Variants in TSPAN2 observed in about 807,000 individuals in gnomAD.
TSPAN2 encodes the protein tetraspanin-2.
Under a neutral mutation model 33.3 loss-of-function variants are expected in TSPAN2, and 24 were observed. The ratio of observed to expected loss-of-function variants is 0.72; its 90% confidence interval spans 0.52 to 1.01. TSPAN2 has a LOEUF of 1.01. Ranked by LOEUF, TSPAN2 falls within the 50% of genes least tolerant of loss-of-function variation. TSPAN2 has a pLI of 0.00. For missense variants in TSPAN2, 278 were observed against 281.3 expected (o/e 0.99, Z 0.08); for synonymous variants, 114 against 104.5 (o/e 1.09, Z -0.56).
intron 3 of TSPAN2, 79 bp downstream of exon 3, chr1:115,062,056 G>A: frequency 3.2e-6 from 4 of 1,264,862 alleles, no homozygotes; most frequent in South Asian, 2.7e-5. Context: ...TGGAGCCAGG[G>A]GCCAGAGGCA....
At chr1:115,062,321 A>T in intron 2 of TSPAN2, 89 bp from the exon 3 acceptor site, 1 of 938,036 alleles carries the variant, frequency 1.1e-6, no homozygotes. Flanking sequence ...ACTGCAGAGC[A>T]TTCTAATAGT....
At chr1:115,069,460 A>C (rs1455151785) in intron 2 of TSPAN2, among the ~76,000 whole-genome samples, 1 of 152,212 alleles carries the variant, frequency 6.6e-6, no homozygotes, top group Non-Finnish European at 1.5e-5. Context: ...GTTGGAATGA[A>C]AAAAGCATGT....
chr1:115,072,458 A>G (rs1019035115), intron 2 of TSPAN2, among the ~76,000 whole-genome samples: 12 of 152,252 alleles, frequency 7.9e-5, no homozygotes, highest in African/African-American at 2.9e-4. Context: ...ATAAGATCAC[A>G]AAATAAAATC....
At position 115,089,377 on chromosome 1, in the gene TSPAN2, T is replaced by C. The variant is rs368103582; in HGVS notation, c.56A>G (p.Asn19Ser). The C allele has an allele frequency of 2.5e-6, 4 of 1,593,130 alleles. No individual in the cohort carries two copies. The highest frequency in any genetic ancestry group is 2.7e-5 in the African/African-American group (2 of 73,978). Residue 19 changes from asparagine (N) to serine (S), a missense_variant, in exon 1 of 8, where the codon AAC (asparagine) becomes AGC (serine). By Grantham distance (46) the Asn-to-Ser change is conservative. Coordinates refer to ENST00000369516, the MANE Select transcript of TSPAN2 (RefSeq NM_005725.6). ...RCIKYLLLGF[N>S]LLFWLAGSAV... Reference sequence around the variant, plus strand: ...TCCTGGTCTCACCCAGAAGAGCAGGTTGAAGCCAAGCAGCAGGTACTTGAT... The same window carrying C: ...TCCTGGTCTCACCCAGAAGAGCAGGCTGAAGCCAAGCAGCAGGTACTTGAT...
At chr1:115,087,236 G>A (rs1246610894) in intron 1 of TSPAN2, among the ~76,000 whole-genome samples, 1 of 151,976 alleles carries the variant, frequency 6.6e-6, no homozygotes, top group Admixed American at 6.6e-5. Flanking sequence ...TTGTATTTCT[G>A]ACAAATTCCC....
intron 3 of TSPAN2, among the ~76,000 whole-genome samples, chr1:115,060,914 G>A (rs11102880): frequency 0.3 from 44,967 of 152,048 alleles, 6,856 homozygotes; most frequent in East Asian, 0.46. Context: ...GAACACAAAA[G>A]ACCTAGAAAG....
At position 115,089,469 on chromosome 1, in the gene TSPAN2, C is replaced by T; in HGVS notation, c.-37G>A. The stretch of plus-strand genomic sequence containing the variant: ...GCGGCGGGATCCCCAGTCCCCAGGC[C>T]CGCGCTACGAGCGCGGGGAGCGGCA... On this transcript the variant is annotated 5_prime_UTR_variant, in exon 1 of 8. Coordinates refer to ENST00000369516, the MANE Select transcript of TSPAN2 (RefSeq NM_005725.6). 7.0e-7 allele frequency: 1 copy of T among 1,431,094 alleles called. No homozygotes were observed. Among genetic ancestry groups the T allele is most frequent in the South Asian group, 1.5e-5 (1 of 67,502 alleles). The allele number at this position is 1,431,094 out of a possible 1,614,324, so 88.6% of individuals were successfully genotyped here.
rs763102744 is a variant in TSPAN2 at position 115,062,186 on chromosome 1, C to T, written c.219G>A (p.Gly73=). ...GCATGGCTCCGCAGCACCCGAAGAA[C>T]CCCACGGCCATCATCAGGGCCCCGG... ...VGAGALMMAV[G]FFGCCGAMRE... The change falls in exon 3 of 8, where the codon GGG becomes GGA. Residue 73 remains glycine, a synonymous_variant. Coordinates refer to ENST00000369516, the MANE Select transcript of TSPAN2 (RefSeq NM_005725.6). The T allele has an allele frequency of 6.2e-7, 1 of 1,600,476 alleles. No individual in the cohort carries two copies. The highest frequency in any genetic ancestry group is 1.7e-5 in the Admixed American group (1 of 58,234).
intron 1 of TSPAN2, among the ~76,000 whole-genome samples, chr1:115,087,574 C>A (rs1160349713): frequency 6.8e-6 from 1 of 147,522 alleles, no homozygotes; most frequent in Non-Finnish European, 1.5e-5. Flanking sequence ...GGAGATCGGG[C>A]CACTGCACTC....
intron 2 of TSPAN2, among the ~76,000 whole-genome samples, chr1:115,071,959 G>C (rs1220668726): frequency 6.6e-6 from 1 of 152,300 alleles, no homozygotes; most frequent in African/African-American, 2.4e-5. Context: ...TGTGCAGGAT[G>C]CTCTTCCTCC....
At chr1:115,073,127 C>G in intron 1 of TSPAN2, 120 bp from the exon 2 acceptor site, 1 of 801,244 alleles carries the variant, frequency 1.2e-6, no homozygotes, top group Middle Eastern at 2.8e-4. Context: ...CTTAGACCAC[C>G]TTCCCATTTT....
rs966259000 is a variant in TSPAN2 at position 115,060,317 on chromosome 1, G to A, written c.345+147C>T. The A allele has an allele frequency of 2.4e-5, 15 of 630,688 alleles. No homozygotes were observed. The African/African-American group carries it at 2.8e-4, about 12-fold the overall frequency. The allele number at this position is 630,688 out of a possible 1,614,324, so 39.1% of individuals were successfully genotyped here. On this transcript the variant is annotated intron_variant, in intron 4 of 7. Transcript: ENST00000369516. ...TGCCTGCACACTCATATACATATATGCTCAGTTCTGCACACCACTTCTAAG... is the reference window on the plus strand; with the variant it reads ...TGCCTGCACACTCATATACATATATACTCAGTTCTGCACACCACTTCTAAG...
chr1:115,080,093 GGAAGGAAACTAACTTGGGATGAA>G (rs1052891881), intron 1 of TSPAN2, among the ~76,000 whole-genome samples: 7 of 152,166 alleles, frequency 4.6e-5, no homozygotes, highest in African/African-American at 1.7e-4. Flanking sequence ...TAAGCTCAGG[GGAAGGAAACTAACTTGGGATGAA>G]AAGCTTGCTG....
At chr1:115,084,270 T>C (rs940064288) in intron 1 of TSPAN2, among the ~76,000 whole-genome samples, 9 of 152,212 alleles carry the variant, frequency 5.9e-5, no homozygotes, top group Non-Finnish European at 1.3e-4. Flanking sequence ...TTCACAGATA[T>C]TAGTAGTTTA....
rs200286659 is a variant in TSPAN2, at chr1:115,050,537, T to A, written c.619A>T (p.Ser207Cys). ...AGLTIFGMIF[S>C]MVLCCAIRNS... is the part of the protein sequence containing the mutation. ...CGTATCGCACAGCAGAGGACCATGC[T>A]GAATATCATGCCAAAGATCTGAAAC... The change falls in exon 8 of 8, where the codon AGC (serine) becomes TGC (cysteine). Residue 207 changes from serine (S) to cysteine (C), a missense_variant. Transcript: ENST00000369516. 4.2e-5 allele frequency: 68 copies of A among 1,613,860 alleles called. No individual in the cohort carries two copies. The African/African-American group carries it at 7.9e-4, about 19-fold the overall frequency.
intron 1 of TSPAN2, among the ~76,000 whole-genome samples, chr1:115,085,081 G>A (rs1648783373): frequency 6.6e-6 from 1 of 152,180 alleles, no homozygotes; most frequent in Non-Finnish European, 1.5e-5. Flanking sequence ...ATGCGGCTTG[G>A]TGGGGGTGTA....
chr1:115,060,901 G>C (rs1280561448), intron 3 of TSPAN2, among the ~76,000 whole-genome samples: 2 of 152,124 alleles, frequency 1.3e-5, no homozygotes, highest in African/African-American at 2.4e-5. Flanking sequence ...GTAAATACTT[G>C]ACGAACACAA....
At chr1:115,083,450 A>T (rs1406859) in intron 1 of TSPAN2, among the ~76,000 whole-genome samples, 1 of 151,968 alleles carries the variant, frequency 6.6e-6, no homozygotes, top group East Asian at 1.9e-4. Flanking sequence ...AAAACAAGCC[A>T]AGTGAGTAAG....
At chr1:115,076,520 T>C (rs1192476435) in intron 1 of TSPAN2, among the ~76,000 whole-genome samples, 1 of 151,186 alleles carries the variant, frequency 6.6e-6, no homozygotes, top group Non-Finnish European at 1.5e-5. Flanking sequence ...ACCAGGGGAG[T>C]GGACGTGGAG....
Sources: gnomAD v4.1 joint callset for allele counts (sites outside exome capture counted in the v4.1 genomes callset) on GRCh38, gnomAD v4.1.1 for gene constraint, MANE v1.5 for transcripts, NCBI Gene and HGNC (gene_info 2026-07-23, HGNC 2026-07-21) for gene names.